The following TKTL1 variants were observed in gnomAD, a reference collection of about 807,000 sequenced individuals.
TKTL1 encodes transketolase-like protein 1.
A neutral mutation model predicts 39.3 loss-of-function variants in TKTL1; 1 was observed. The observed-to-expected ratio is 0.03, with a 90% CI of 0.01 to 0.12. The LOEUF is 0.12. TKTL1 is among the 10% of genes least tolerant of loss of function. The pLI is 1.00. For missense variants in TKTL1, 575 were observed against 509.6 expected (o/e 1.13, Z -1.24); for synonymous variants, 262 against 193.8 (o/e 1.35, Z -2.92).
chrX:154,298,699 GAAA>G (rs111906688), intron 1 of TKTL1, among the ~76,000 whole-genome samples: 1 of 107,931 alleles, frequency 9.3e-6, no homozygotes, highest in Non-Finnish European at 1.9e-5. Context: ...GTCTCAAAAA[GAAA>G]AAAAAATTGG....
At chrX:154,307,610 C>T (rs998996511) in intron 2 of TKTL1, among the ~76,000 whole-genome samples, 7 of 112,749 alleles carry the variant, frequency 6.2e-5, no homozygotes, top group Admixed American at 1.9e-4. Context: ...TTATCCTTGA[C>T]CTCCTGTCAC....
intron 1 of TKTL1, among the ~76,000 whole-genome samples, chrX:154,299,817 CCTT>C (rs1357226316): frequency 9.0e-6 from 1 of 111,575 alleles, no homozygotes; most frequent in East Asian, 2.8e-4. Flanking sequence ...ATATACACCA[CCTT>C]CTTTATCCAC....
intron 8 of TKTL1, among the ~76,000 whole-genome samples, chrX:154,321,215 C>A (rs1445556663): frequency 6.4e-5 from 7 of 109,479 alleles, no homozygotes; most frequent in Non-Finnish European, 1.3e-4. Context: ...GGAGCCTTTT[C>A]TGCCCTCGCT....
At chrX:154,324,682 T>C (rs782788832) in intron 9 of TKTL1, among the ~76,000 whole-genome samples, 1 of 111,585 alleles carries the variant, frequency 9.0e-6, no homozygotes, top group East Asian at 2.8e-4. Flanking sequence ...CAGGAAGGGC[T>C]GAACTTAGGA....
At chrX:154,315,740 C>T (rs781824922) in intron 7 of TKTL1, among the ~76,000 whole-genome samples, 1 of 111,938 alleles carries the variant, frequency 8.9e-6, no homozygotes. Context: ...TCCTTCTCTC[C>T]ACTGTAGAGG....
At chrX:154,323,855 A>G (rs1358950189) in intron 9 of TKTL1, among the ~76,000 whole-genome samples, 2 of 112,451 alleles carry the variant, frequency 1.8e-5, no homozygotes, top group Non-Finnish European at 3.8e-5. Flanking sequence ...GACCTCATGC[A>G]AGGGCATCAG....
In TKTL1 at chrX:154,323,308, C is replaced by T; in HGVS notation, c.1288C>T (p.His430Tyr). The change falls in exon 9 of 13, where the codon CAT becomes TAT. Residue 430 changes from histidine (H) to tyrosine (Y), a missense_variant. By Grantham distance (83) the His-to-Tyr change is moderately conservative. Transcript: ENST00000369915. ...CCCAACTGATGCCGTCTCCACGGAG[C>T]ATGCTGTTGCTCTGGCAGCCAATGC... Reference protein sequence around the residue: ...FYPTDAVSTEHAVALAANAKG... With the variant: ...FYPTDAVSTEYAVALAANAKG... The T allele has an allele frequency of 1.7e-6, 2 of 1,211,761 alleles. No individual in the cohort carries two copies. The highest frequency in any genetic ancestry group is 2.2e-6 in the Non-Finnish European group (2 of 895,424).
At chrX:154,296,147 G>A (rs1183729920) in intron 1 of TKTL1, among the ~76,000 whole-genome samples, 154 bp downstream of exon 1, 1 of 111,272 alleles carries the variant, frequency 9.0e-6, no homozygotes. Context: ...GGGCCCGGTC[G>A]AGCACCCTAG....
At chrX:154,300,010 A>ATTTTTTT (rs1169453325) in intron 1 of TKTL1, among the ~76,000 whole-genome samples, 13 of 86,654 alleles carry the variant, frequency 1.5e-4, no homozygotes, top group Non-Finnish European at 1.3e-4. Context: ...TACTTTTAGT[A>ATTTTTTT]TTTTTTTTTT....
At chrX:154,301,482 A>C (rs782632264) in intron 1 of TKTL1, among the ~76,000 whole-genome samples, 200 of 112,039 alleles carry the variant, frequency 1.8e-3, no homozygotes, top group African/African-American at 6.2e-3. Context: ...GTGCCACTGT[A>C]CTCCAGCCTG....
chrX:154,306,135 C>T (rs1365939073), intron 2 of TKTL1, among the ~76,000 whole-genome samples: 8 of 104,216 alleles, frequency 7.7e-5, no homozygotes, highest in South Asian at 4.0e-4. Context: ...AGCAAAACTC[C>T]GTCTCCACTT....
chrX:154,310,245 T>A (rs1557168044), intron 3 of TKTL1, among the ~76,000 whole-genome samples: 1 of 109,550 alleles, frequency 9.1e-6, no homozygotes, highest in African/African-American at 3.3e-5. Context: ...TCGCCTGAGG[T>A]CAGGAGTTCG....
At chrX:154,297,974 A>G (rs918550671) in intron 1 of TKTL1, among the ~76,000 whole-genome samples, 1 of 111,826 alleles carries the variant, frequency 8.9e-6, no homozygotes, top group African/African-American at 3.2e-5. Flanking sequence ...TTTGGCAGTA[A>G]TTACGAATGA....
At chrX:154,296,983 G>A (rs1316123213) in intron 1 of TKTL1, among the ~76,000 whole-genome samples, 2 of 111,836 alleles carry the variant, frequency 1.8e-5, no homozygotes, top group Non-Finnish European at 3.8e-5. Context: ...GAGCGAGACC[G>A]TGCCTCAAAG....
intron 1 of TKTL1, among the ~76,000 whole-genome samples, chrX:154,304,139 G>T (rs1557166637): frequency 9.0e-6 from 1 of 110,527 alleles, no homozygotes; most frequent in Non-Finnish European, 1.9e-5. Flanking sequence ...TTCCTTCTCG[G>T]TCCCTTCTCC....
At position 154,329,648 on chromosome X, in the gene TKTL1, G is replaced by T; in HGVS notation, c.1751G>T (p.Arg584Ile). 8.3e-7 allele frequency: 1 copy of T among 1,211,790 alleles called. No homozygotes were observed. The highest frequency in any genetic ancestry group is 1.1e-6 in the Non-Finnish European group (1 of 895,367). Residue 584 changes from arginine to isoleucine, a missense_variant, in exon 13 of 13, where the codon AGA becomes ATA. Coordinates refer to ENST00000369915, the MANE Select transcript of TKTL1 (RefSeq NM_012253.4). The stretch of plus-strand genomic sequence containing the variant: ...CTGGATATGTATGGAATTAGTGCCA[G>T]ACATATCATAGTGGCCGTGAAATGC... Reference protein sequence around the residue: ...ELLDMYGISARHIIVAVKCML... With the variant: ...ELLDMYGISAIHIIVAVKCML...
At chrX:154,321,137 T>C (rs2067447235) in intron 8 of TKTL1, among the ~76,000 whole-genome samples, 1 of 110,734 alleles carries the variant, frequency 9.0e-6, no homozygotes, top group South Asian at 3.9e-4. Flanking sequence ...TGAGAAACAG[T>C]TGCTTATCCC....
In TKTL1 at chrX:154,329,915, C is replaced by G; in HGVS notation, c.*227C>G. 1 of 333,438 alleles carries G rather than the reference C, an allele frequency of 3.0e-6. No homozygotes were observed. Among genetic ancestry groups the G allele is most frequent in the African/African-American group, 2.6e-5 (1 of 38,557 alleles). 27.5% of individuals were successfully genotyped at this position (333,438 alleles called of 1,213,427 possible). ...TGGATCATTAAAGGGAGTTACACAA[C>G]TTTTAAGTGAAAAAAATAGGTAACA... is the stretch of plus-strand genomic sequence containing the variant. On this transcript the variant is annotated 3_prime_UTR_variant, in exon 13 of 13. Transcript: ENST00000369915.
Position 154,295,989 on chromosome X carries a change from T to G in TKTL1, c.130T>G (p.Ser44Ala), listed in dbSNP as rs782172005. The G allele has an allele frequency of 2.0e-5, 24 of 1,209,187 alleles. No homozygotes were observed. The highest frequency in any genetic ancestry group is 2.6e-5 in the Non-Finnish European group (23 of 894,642). ...CATCAGGGCCACATGCTCCACGAGC[T>G]CCGGGTAAGTTCTCCTCATTGAAGT... is the stretch of plus-strand genomic sequence containing the variant. Reference protein sequence around the residue: ...HSIRATCSTSSGHPTSCSSSS... With the variant: ...HSIRATCSTSAGHPTSCSSSS... Residue 44 changes from serine to alanine, a missense_variant, in exon 1 of 13, where the codon TCC (serine) becomes GCC (alanine). Transcript: ENST00000369915.
Sources: allele counts gnomAD v4.1 joint callset (sites outside exome capture counted in the v4.1 genomes callset), GRCh38; gene constraint gnomAD v4.1.1; transcripts MANE v1.5; gene names NCBI Gene and HGNC (gene_info 2026-07-23, HGNC 2026-07-21).